The following ENTREP2 variants were observed in gnomAD, a reference collection of about 807,000 sequenced individuals.
ENTREP2 encodes the protein endosomal transmembrane epsin interactor 2, also known as protein ENTREP2.
chr15:29,660,644 A>T, the ENTREP2 span, among the ~76,000 whole-genome samples: 1 of 152,208 alleles, frequency 6.6e-6, no homozygotes, highest in Non-Finnish European at 1.5e-5. Flanking sequence ...AAATCCAGTG[A>T]GCATTTCTTT....
the ENTREP2 span, among the ~76,000 whole-genome samples, chr15:29,524,592 G>A: frequency 1.3e-5 from 2 of 152,242 alleles, no homozygotes; most frequent in African/African-American, 4.8e-5. Flanking sequence ...CCAGCGACTA[G>A]TGTTCAGCTC....
At chr15:29,294,728 C>T in the ENTREP2 span, among the ~76,000 whole-genome samples, 4 of 152,294 alleles carry the variant, frequency 2.6e-5, no homozygotes, top group East Asian at 5.8e-4. Flanking sequence ...GTTCCAGCAA[C>T]GTGGTTGACA....
At chr15:29,657,984 G>A in the ENTREP2 span, among the ~76,000 whole-genome samples, 3 of 151,662 alleles carry the variant, frequency 2.0e-5, no homozygotes, top group Non-Finnish European at 4.4e-5. Context: ...CGTGAAAGAA[G>A]TCAGATTCTA....
At chr15:29,619,654 A>T in the ENTREP2 span, among the ~76,000 whole-genome samples, 2 of 151,946 alleles carry the variant, frequency 1.3e-5, no homozygotes, top group African/African-American at 4.8e-5. Flanking sequence ...TAGTGGACAA[A>T]TGGAACTCTG....
the ENTREP2 span, among the ~76,000 whole-genome samples, chr15:29,301,856 C>T: frequency 2.6e-5 from 4 of 152,268 alleles, no homozygotes; most frequent in South Asian, 6.2e-4. Flanking sequence ...GAGGACACAG[C>T]GAGGAGGTAC....
the ENTREP2 span, among the ~76,000 whole-genome samples, chr15:29,551,042 G>T: frequency 2.6e-5 from 4 of 152,102 alleles, no homozygotes; most frequent in African/African-American, 9.7e-5. Flanking sequence ...TGATGCAATC[G>T]GCCTCCAGCA....
chr15:29,135,895 G>A, the ENTREP2 span, among the ~76,000 whole-genome samples: 136 of 152,306 alleles, frequency 8.9e-4, no homozygotes, highest in Middle Eastern at 3.4e-3. The surrounding 1 kb of genome is among the most constrained non-coding windows in gnomAD (Gnocchi z 7.4). Context: ...AAGACAGGCC[G>A]GGGCGCCCTG....
chr15:29,220,027 A>C, the ENTREP2 span, among the ~76,000 whole-genome samples: 22 of 152,178 alleles, frequency 1.4e-4, no homozygotes, highest in African/African-American at 4.8e-4. Context: ...TAAAAAATAA[A>C]AATAAAAAAG....
chr15:29,152,072 T>C, the ENTREP2 span, among the ~76,000 whole-genome samples: 1 of 152,236 alleles, frequency 6.6e-6, no homozygotes, highest in Non-Finnish European at 1.5e-5. Flanking sequence ...CTCAACAATG[T>C]GTTTTACAAT....
At chr15:29,599,255 T>C in the ENTREP2 span, among the ~76,000 whole-genome samples, 1 of 152,138 alleles carries the variant, frequency 6.6e-6, no homozygotes, top group Non-Finnish European at 1.5e-5. Flanking sequence ...GTAAGAGAAA[T>C]AATAATGATG....
chr15:29,623,936 G>A, the ENTREP2 span, among the ~76,000 whole-genome samples: 1 of 152,066 alleles, frequency 6.6e-6, no homozygotes, highest in Non-Finnish European at 1.5e-5. Context: ...GTTTCATCAT[G>A]TTGGTTGGTC....
At chr15:29,477,307 C>T in the ENTREP2 span, among the ~76,000 whole-genome samples, 1 of 151,986 alleles carries the variant, frequency 6.6e-6, no homozygotes, top group African/African-American at 2.4e-5. Flanking sequence ...GATGTTCTGC[C>T]TTTGGGTGCC....
chr15:29,203,118 C>G, the ENTREP2 span, among the ~76,000 whole-genome samples: 2 of 152,202 alleles, frequency 1.3e-5, no homozygotes, highest in Non-Finnish European at 2.9e-5. Flanking sequence ...AAAACCGTTC[C>G]TAGGCCGGGC....
the ENTREP2 span, chr15:29,123,189 C>T: frequency 3.6e-6 from 3 of 825,040 alleles, no homozygotes; most frequent in African/African-American, 1.7e-5. Context: ...AGTTCCCTGC[C>T]CACACCGCCC....
At chr15:29,398,774 T>C in the ENTREP2 span, among the ~76,000 whole-genome samples, 3 of 151,854 alleles carry the variant, frequency 2.0e-5, no homozygotes, top group South Asian at 6.2e-4. Context: ...TCGTGTGGTA[T>C]GCAGAATTAT....
At chr15:29,353,821 G>A in the ENTREP2 span, among the ~76,000 whole-genome samples, 4 of 152,156 alleles carry the variant, frequency 2.6e-5, no homozygotes, top group Non-Finnish European at 5.9e-5. Context: ...GTTACCAGTG[G>A]GGAGACTGAG....
the ENTREP2 span, among the ~76,000 whole-genome samples, chr15:29,630,844 C>G: frequency 6.6e-6 from 1 of 152,058 alleles, no homozygotes; most frequent in African/African-American, 2.4e-5. Context: ...CTCACCACCA[C>G]GCTAATTTTT....
the ENTREP2 span, among the ~76,000 whole-genome samples, chr15:29,134,636 C>T: frequency 6.6e-6 from 1 of 152,212 alleles, no homozygotes; most frequent in Non-Finnish European, 1.5e-5. Context: ...CTCTTCCTGT[C>T]CTAAGACCAC....
the ENTREP2 span, among the ~76,000 whole-genome samples, chr15:29,276,500 G>C: frequency 1.3e-5 from 2 of 152,150 alleles, no homozygotes; most frequent in African/African-American, 4.8e-5. Context: ...CACAGTGACT[G>C]GTTCAGAAGT....
Sources: gnomAD v4.1 joint callset for allele counts (sites outside exome capture counted in the v4.1 genomes callset) on GRCh38, gnomAD v4.1.1 for gene constraint, Gnocchi (gnomAD v3.1) non-coding constraint, MANE v1.5 for transcripts, NCBI Gene and HGNC (gene_info 2026-07-23, HGNC 2026-07-21) for gene names.